RPH3A: variants seen among roughly 807,000 people sequenced by gnomAD.
RPH3A encodes the protein rabphilin-3A.
Under a neutral mutation model 102.2 loss-of-function variants are expected in RPH3A, and 48 were observed. That is an observed-to-expected ratio of 0.47 (90% CI 0.37 to 0.60). The LOEUF is 0.60. RPH3A is among the 20% of genes least tolerant of loss of function. The pLI, the probability that RPH3A is intolerant of heterozygous loss-of-function variation, is 0.00. For missense variants in RPH3A, 781 were observed against 910.1 expected (o/e 0.86, Z 1.83); for synonymous variants, 310 against 324.3 (o/e 0.96, Z 0.47).
chr12:112,826,984 T>C (rs2041888041), intron 2 of RPH3A, among the ~76,000 whole-genome samples: 1 of 152,208 alleles, frequency 6.6e-6, no homozygotes, highest in South Asian at 2.1e-4. Context: ...GTAGAATTCC[T>C]GAGCCACAGA....
At chr12:112,641,509 GC>G (rs1169274063) in intron 1 of RPH3A, among the ~76,000 whole-genome samples, 55 of 152,282 alleles carry the variant, frequency 3.6e-4, no homozygotes, top group African/African-American at 1.2e-3. Flanking sequence ...TGATTCTTGT[GC>G]CTCAGCCTCT....
chr12:112,855,049 T>C (rs940638957), intron 5 of RPH3A, among the ~76,000 whole-genome samples: 13 of 152,198 alleles, frequency 8.5e-5, no homozygotes, highest in African/African-American at 1.7e-4. Context: ...CCAACTCTAT[T>C]TTCCATGACA....
chr12:112,763,161 A>G (rs1250979386), intron 1 of RPH3A, among the ~76,000 whole-genome samples: 2 of 152,234 alleles, frequency 1.3e-5, no homozygotes, highest in African/African-American at 4.8e-5. Context: ...CTCTCCCTCT[A>G]GGAAGGAGCT....
intron 4 of RPH3A, chr12:112,842,079 T>C: frequency 2.2e-6 from 1 of 455,164 alleles, no homozygotes; most frequent in South Asian, 1.6e-5. Flanking sequence ...TTTGTTTCAT[T>C]CCATTGGGTT....
intron 5 of RPH3A, among the ~76,000 whole-genome samples, chr12:112,852,788 A>G (rs1328339943): frequency 6.6e-6 from 1 of 152,194 alleles, no homozygotes. Flanking sequence ...GGAATTAGAC[A>G]TTTGCCTCCA....
At chr12:112,868,776 G>A in intron 8 of RPH3A, 181 bp downstream of exon 8, 1 of 613,880 alleles carries the variant, frequency 1.6e-6, no homozygotes, top group Non-Finnish European at 2.7e-6. Flanking sequence ...TACCAAGAGG[G>A]TAGCACAGGG....
chr12:112,849,101 A>G (rs1041568157), intron 5 of RPH3A, among the ~76,000 whole-genome samples: 9 of 152,168 alleles, frequency 5.9e-5, no homozygotes, highest in African/African-American at 2.2e-4. Context: ...CCCTACCCAG[A>G]CACTCAGCTG....
chr12:112,860,905 G>A (rs796473744), intron 5 of RPH3A, among the ~76,000 whole-genome samples: 4 of 152,320 alleles, frequency 2.6e-5, no homozygotes, highest in African/African-American at 4.8e-5. Flanking sequence ...CCGCCTCCAT[G>A]AGCCCACTTC....
intron 2 of RPH3A, among the ~76,000 whole-genome samples, chr12:112,804,940 G>A (rs1238408272): frequency 6.6e-6 from 1 of 152,028 alleles, no homozygotes; most frequent in East Asian, 1.9e-4. Flanking sequence ...CTCAGATCTC[G>A]CCTGTGACAA....
Position 112,733,313 on chromosome 12 carries a change from G to A in RPH3A, c.-139-58830G>A, listed in dbSNP as rs139205653. ...CACCCATACTGGCACGCACATATCT[G>A]CACACACATACACCAGCATCACACA... On this transcript the variant is annotated intron_variant, in intron 1 of 21. Coordinates refer to the RPH3A transcript ENST00000543106. 3.0e-4 allele frequency among the ~76,000 whole-genome samples: 45 copies of A among 152,242 alleles called. No individual in the cohort carries two copies. In the Middle Eastern group the frequency reaches 0.024, roughly 81 times the overall value.
chr12:112,745,606 G>A (rs2040740193), intron 1 of RPH3A, among the ~76,000 whole-genome samples: 1 of 152,182 alleles, frequency 6.6e-6, no homozygotes, highest in African/African-American at 2.4e-5. Context: ...TGCCAGGTGA[G>A]CTATTGCTTC....
At position 112,896,879 on chromosome 12, in the gene RPH3A, C is replaced by T. The variant is rs565218135; in HGVS notation, c.*99C>T. 7.3e-7 allele frequency: 1 copy of T among 1,361,224 alleles called. No homozygotes were observed. Among genetic ancestry groups the T allele is most frequent in the African/African-American group, 1.4e-5 (1 of 69,472 alleles). 84.3% of individuals were successfully genotyped at this position (1,361,224 alleles called of 1,614,324 possible). On this transcript the variant is annotated 3_prime_UTR_variant, in exon 22 of 22. Coordinates refer to ENST00000389385, the MANE Select transcript of RPH3A (RefSeq NM_001143854.2). ...CTCTCTTCTCTATGCCTACCTCCCC[C>T]CATACCCTGCTGATCTCCCTGAGCC...
upstream of RPH3A, among the ~76,000 whole-genome samples, chr12:112,788,897 A>G (rs1297221705): frequency 6.6e-6 from 1 of 152,058 alleles, no homozygotes; most frequent in Non-Finnish European, 1.5e-5. Flanking sequence ...GGTGGCTCAC[A>G]CCTGTAATCC....
intron 2 of RPH3A, among the ~76,000 whole-genome samples, chr12:112,792,574 G>C (rs139162913): frequency 0.011 from 1,715 of 152,324 alleles, 68 homozygotes; most frequent in Admixed American, 0.076. Context: ...GTAGCCGGCA[G>C]TTCTCTGAGA....
Position 112,881,798 on chromosome 12 carries a change from C to G in RPH3A, c.1278C>G (p.Gly426=). The G allele has an allele frequency of 6.2e-7, 1 of 1,612,716 alleles. No individual in the cohort carries two copies. The highest frequency in any genetic ancestry group is 1.1e-5 in the South Asian group (1 of 90,840). ...AKGLKPMDSN[G]LADPYVKLHL... is the part of the protein sequence containing the mutation. ...GCCTGAAGCCCATGGATTCAAACGG[C>G]TTGGCTGATCCCTACGTTAAGCTGC... The change falls in exon 15 of 22, where the codon GGC becomes GGG. Residue 426 remains glycine, a synonymous_variant. Coordinates refer to ENST00000389385, the MANE Select transcript of RPH3A (RefSeq NM_001143854.2).
At chr12:112,654,981 C>G (rs2040000251) in intron 1 of RPH3A, among the ~76,000 whole-genome samples, 1 of 152,238 alleles carries the variant, frequency 6.6e-6, no homozygotes, top group Non-Finnish European at 1.5e-5. Context: ...ACGGCATCAT[C>G]CATCCATGAC....
At chr12:112,690,185 A>G (rs958628204) in intron 1 of RPH3A, among the ~76,000 whole-genome samples, 1 of 152,250 alleles carries the variant, frequency 6.6e-6, no homozygotes, top group African/African-American at 2.4e-5. Context: ...AAAATAAAAC[A>G]TAAAACATCA....
At chr12:112,582,244 A>G (rs2039405555) in intron 1 of RPH3A, among the ~76,000 whole-genome samples, 1 of 146,474 alleles carries the variant, frequency 6.8e-6, no homozygotes, top group Admixed American at 6.8e-5. Flanking sequence ...CATGAACATT[A>G]TGATTATTAT....
At chr12:112,839,585 A>G (rs2042109313) in intron 4 of RPH3A, among the ~76,000 whole-genome samples, 1 of 152,188 alleles carries the variant, frequency 6.6e-6, no homozygotes, top group African/African-American at 2.4e-5. Flanking sequence ...GTAAACAGAA[A>G]CACACAAGGC....
Sources: gnomAD v4.1 joint callset for allele counts (sites outside exome capture counted in the v4.1 genomes callset) on GRCh38, gnomAD v4.1.1 for gene constraint, MANE v1.5 for transcripts, NCBI Gene and HGNC (gene_info 2026-07-23, HGNC 2026-07-21) for gene names.